Variants in TSHR observed in about 807,000 individuals in gnomAD.
The protein encoded by TSHR is thyrotropin receptor.
A neutral mutation model predicts 64.1 loss-of-function variants in TSHR; 51 were observed. The observed-to-expected ratio is 0.80, with a 90% confidence interval of 0.64 to 1.01. The LOEUF (loss-of-function observed/expected upper bound fraction) is 1.01. Among genes scored for constraint, TSHR ranks in the 50% least tolerant of loss-of-function variants. TSHR has a pLI of 0.00. For missense variants in TSHR, 877 were observed against 942.8 expected (o/e 0.93, Z 0.91); for synonymous variants, 361 against 361.9 (o/e 1.00, Z 0.03).
At chr14:81,018,901 G>T (rs115971990) in intron 1 of TSHR, among the ~76,000 whole-genome samples, 1,805 of 152,326 alleles carry the variant, frequency 0.012, 21 homozygotes, top group African/African-American at 0.016. Context: ...AAGATTAGAT[G>T]TGTCTTGCAG....
intron 8 of TSHR, among the ~76,000 whole-genome samples, chr14:81,130,547 T>G (rs1891194742): frequency 6.6e-6 from 1 of 152,186 alleles, no homozygotes; most frequent in African/African-American, 2.4e-5. Context: ...AATGTTGGAG[T>G]GCCCCAGGCC....
At chr14:80,988,112 A>C (rs2139735151) in intron 1 of TSHR, among the ~76,000 whole-genome samples, 1 of 152,264 alleles carries the variant, frequency 6.6e-6, no homozygotes, top group Admixed American at 6.5e-5. Context: ...TTGAACTTTA[A>C]TTTAAATGTA....
chr14:81,036,958 A>G (rs1594982646), intron 1 of TSHR, among the ~76,000 whole-genome samples: 1 of 151,688 alleles, frequency 6.6e-6, no homozygotes, highest in African/African-American at 2.4e-5. Context: ...GCCTGGCCAA[A>G]ATGGTGAAAC....
At chr14:81,048,450 C>A (rs1461313064) in intron 1 of TSHR, among the ~76,000 whole-genome samples, 1 of 152,076 alleles carries the variant, frequency 6.6e-6, no homozygotes, top group African/African-American at 2.4e-5. Flanking sequence ...GATGGGCATA[C>A]TAGGTTCGTT....
intron 1 of TSHR, chr14:80,994,614 A>C (rs912913963): frequency 1.3e-5 from 2 of 152,212 alleles, no homozygotes; most frequent in Admixed American, 6.5e-5. Context: ...AACCAAGCAA[A>C]AGCAAGCAAT....
At chr14:80,980,964 G>T (rs1285806209) in intron 1 of TSHR, among the ~76,000 whole-genome samples, 1 of 151,832 alleles carries the variant, frequency 6.6e-6, no homozygotes, top group African/African-American at 2.4e-5. Flanking sequence ...TTTTGATCAT[G>T]TCTTTTATGT....
chr14:81,027,280 A>C (rs1232510465), intron 1 of TSHR, among the ~76,000 whole-genome samples: 1 of 152,168 alleles, frequency 6.6e-6, no homozygotes. Flanking sequence ...AGACAAAATC[A>C]GAAAAAAATG....
intron 7 of TSHR, among the ~76,000 whole-genome samples, chr14:81,106,336 T>C (rs1439736200): frequency 6.6e-6 from 1 of 152,110 alleles, no homozygotes; most frequent in Non-Finnish European, 1.5e-5. Flanking sequence ...CTCTTTATGA[T>C]TTTTTCTTTA....
intron 1 of TSHR, chr14:80,994,549 A>G (rs1471043577): frequency 6.6e-6 from 1 of 152,216 alleles, no homozygotes; most frequent in Non-Finnish European, 1.5e-5. Flanking sequence ...CCAATGGAAC[A>G]GAATAAAGAA....
chr14:81,024,134 T>C (rs1594965695), intron 1 of TSHR, among the ~76,000 whole-genome samples: 1 of 152,238 alleles, frequency 6.6e-6, no homozygotes, highest in East Asian at 1.9e-4. Flanking sequence ...CACCATCTTT[T>C]GCTGGCATTA....
At chr14:81,076,039 G>A (rs1020216472) in intron 3 of TSHR, among the ~76,000 whole-genome samples, 8 of 151,988 alleles carry the variant, frequency 5.3e-5, no homozygotes, top group South Asian at 2.1e-4. Context: ...GTAAACTATC[G>A]CAAGAACAAA....
At chr14:80,961,586 G>C (rs1252219768) in intron 1 of TSHR, among the ~76,000 whole-genome samples, 1 of 152,110 alleles carries the variant, frequency 6.6e-6, no homozygotes, top group Non-Finnish European at 1.5e-5. Flanking sequence ...AATAAAATTT[G>C]TTACTACTCC....
intron 2 of TSHR, among the ~76,000 whole-genome samples, chr14:81,064,125 A>G (rs1197390500): frequency 1.3e-5 from 2 of 152,168 alleles, no homozygotes; most frequent in Non-Finnish European, 2.9e-5. Flanking sequence ...TTTTCATTTG[A>G]GAAACATTCC....
Position 81,108,389 on chromosome 14 carries a change from A to ATTTACC in TSHR, c.630_631insTTACCT (p.Asn210_Lys211insLeuPro). On this transcript the variant is annotated inframe_insertion, in exon 8 of 10. Coordinates refer to ENST00000298171, the MANE Select transcript of TSHR (RefSeq NM_000369.5). The stretch of plus-strand genomic sequence containing the variant: ...TCTCCCTCTAGTTACCTAAACAAGA[A>ATTTACC]TAAATACCTGACAGTTATTGACAAA... The ATTTACC allele has an allele frequency of 1.2e-6, 2 of 1,613,526 alleles. No homozygotes were observed. The highest frequency in any genetic ancestry group is 1.7e-6 in the Non-Finnish European group (2 of 1,179,688).
intron 1 of TSHR, among the ~76,000 whole-genome samples, chr14:81,011,938 G>A (rs1022613501): frequency 6.6e-6 from 1 of 151,882 alleles, no homozygotes; most frequent in African/African-American, 2.4e-5. Context: ...TTTATTTATT[G>A]ATTGATTTGT....
At position 81,083,098 on chromosome 14, in the gene TSHR, G is replaced by A. The variant is rs946631959; in HGVS notation, c.318-4856G>A. 5.9e-5 allele frequency among the ~76,000 whole-genome samples: 9 copies of A among 152,092 alleles called. No homozygotes were observed. In the East Asian group the frequency reaches 7.7e-4, roughly 13 times the overall value. ...CCCTTCTTCTGTTCCTCATTCCCTC[G>A]CCTGAGAACTCCCTTCTCTCATCCT... is the stretch of plus-strand genomic sequence containing the variant. On this transcript the variant is annotated intron_variant, in intron 3 of 9. Coordinates refer to ENST00000298171, the MANE Select transcript of TSHR (RefSeq NM_000369.5).
At chr14:81,006,774 AG>A (rs576594719) in intron 1 of TSHR, among the ~76,000 whole-genome samples, 157 of 152,138 alleles carry the variant, frequency 1.0e-3, no homozygotes, top group Admixed American at 2.1e-3. Context: ...CGGTCTCCCA[AG>A]GTGCTGGGAT....
chr14:80,984,305 T>C (rs1032129715), intron 1 of TSHR, among the ~76,000 whole-genome samples: 5 of 152,216 alleles, frequency 3.3e-5, no homozygotes, highest in African/African-American at 4.8e-5. Flanking sequence ...TGTCAGGCTG[T>C]TTCATTTATG....
intron 1 of TSHR, among the ~76,000 whole-genome samples, chr14:81,028,144 A>G (rs1463616283): frequency 2.0e-5 from 3 of 152,186 alleles, no homozygotes; most frequent in Admixed American, 6.5e-5. Context: ...TACTAGAGGA[A>G]CTCAAGTAGA....
Sources: allele counts gnomAD v4.1 joint callset (sites outside exome capture counted in the v4.1 genomes callset), GRCh38; gene constraint gnomAD v4.1.1; transcripts MANE v1.5; gene names NCBI Gene and HGNC (gene_info 2026-07-23, HGNC 2026-07-21).